Variants in HERPUD2 observed in about 807,000 individuals in gnomAD.
HERPUD2 encodes HERPUD family member 2, also known as homocysteine-responsive endoplasmic reticulum-resident ubiquitin-like domain member 2 protein.
Under a neutral mutation model 49.9 loss-of-function variants are expected in HERPUD2, and 13 were observed. The ratio of observed to expected loss-of-function variants is 0.26; its 90% confidence interval spans 0.17 to 0.41. HERPUD2 has a LOEUF of 0.41. Ranked by LOEUF, HERPUD2 falls within the 10% of genes least tolerant of loss-of-function variation. The pLI is 1.00. For synonymous variants in HERPUD2, 172 were observed against 171.4 expected (o/e 1.00, Z -0.03); for missense variants, 449 against 492.2 (o/e 0.91, Z 0.83).
chr7:35,649,004 C>A, intron 5 of HERPUD2, among the ~76,000 whole-genome samples: 1 of 152,162 alleles, frequency 6.6e-6, no homozygotes, highest in East Asian at 1.9e-4. Context: ...GTAATCCCAG[C>A]ACTTTGGGAG....
At chr7:35,634,568 A>T (rs1003685501) in intron 7 of HERPUD2, 139 bp from the exon 8 acceptor site, 2 of 575,508 alleles carry the variant, frequency 3.5e-6, no homozygotes, top group Non-Finnish European at 6.0e-6. Context: ...CCACTTCAGG[A>T]CAGGGAACTA....
rs377473218 is a variant in HERPUD2, at chr7:35,647,505, G to A, written c.495-9033C>T. ...TAAACATTTACTGAATGAAGTCACA[G>A]GGTCTTCATGCAAATAGATTTGCTC... On this transcript the variant is annotated intron_variant, in intron 5 of 8. Transcript: ENST00000311350. Among the ~76,000 whole-genome samples, 15 of 152,256 alleles carry A rather than the reference G, an allele frequency of 9.9e-5. No homozygotes were observed. In the East Asian group the frequency reaches 2.7e-3, roughly 27 times the overall value.
rs562559120 is a variant in HERPUD2 at position 35,632,842 on chromosome 7, C to T, written c.*848G>A. The stretch of plus-strand genomic sequence containing the variant: ...ACATGCCCTTAATACAGAAAGTTTC[C>T]ATTATTTATTCAAATATCAAAATTA... On this transcript the variant is annotated 3_prime_UTR_variant, in exon 9 of 9. Transcript: ENST00000311350. 6.6e-6 allele frequency: 1 copy of T among 152,530 alleles called. No homozygotes were observed. Among genetic ancestry groups the T allele is most frequent in the South Asian group, 2.1e-4 (1 of 4,816 alleles). The allele number at this position is 152,530 out of a possible 1,614,324, so 9.4% of individuals were successfully genotyped here. A position where few individuals can be genotyped will look rare whatever the true frequency, so the allele number is the denominator to read the frequency against.
At chr7:35,664,046 G>A (rs746887922) in intron 5 of HERPUD2, among the ~76,000 whole-genome samples, 3 of 152,102 alleles carry the variant, frequency 2.0e-5, no homozygotes, top group Non-Finnish European at 4.4e-5. Flanking sequence ...GTTCCTTTCC[G>A]TGTTTTAGTG....
chr7:35,664,485 T>G (rs1583555923), intron 5 of HERPUD2, among the ~76,000 whole-genome samples: 1 of 152,364 alleles, frequency 6.6e-6, no homozygotes. Flanking sequence ...TGAAGAGTGC[T>G]TTCCAACTTG....
At chr7:35,667,359 C>T in intron 5 of HERPUD2, 75 bp downstream of exon 5, 1 of 1,286,804 alleles carries the variant, frequency 7.8e-7, no homozygotes, top group Non-Finnish European at 1.1e-6. Flanking sequence ...TGCAAAGAGG[C>T]TATAGTGAAA....
chr7:35,670,607 G>A (rs549058277), intron 3 of HERPUD2, among the ~76,000 whole-genome samples: 22 of 152,134 alleles, frequency 1.4e-4, no homozygotes, highest in Admixed American at 1.4e-3. Context: ...AAACAATGTT[G>A]TGAAAGTTGT....
rs544487851 is a variant in HERPUD2 at position 35,669,865 on chromosome 7, C to T, written c.339+350G>A. Reference sequence around the variant, plus strand: ...TGAATAAAATATACTATTTTAAATACCTGGCATATTTCTGAAACGTCATTG... The same window carrying T: ...TGAATAAAATATACTATTTTAAATATCTGGCATATTTCTGAAACGTCATTG... On this transcript the variant is annotated intron_variant, in intron 4 of 8. Transcript: ENST00000311350. Among the ~76,000 whole-genome samples the T allele has an allele frequency of 1.8e-4, 28 of 152,092 alleles. No individual in the cohort carries two copies. In the South Asian group the frequency reaches 5.0e-3, roughly 27 times the overall value.
chr7:35,691,196 A>AC (rs1443656785), intron 2 of HERPUD2, among the ~76,000 whole-genome samples: 1 of 152,234 alleles, frequency 6.6e-6, no homozygotes, highest in Non-Finnish European at 1.5e-5. Flanking sequence ...GGGGAGGGGT[A>AC]CATTTGTTCT....
chr7:35,692,708 TAA>T (rs1321258956), intron 2 of HERPUD2, among the ~76,000 whole-genome samples: 1 of 152,200 alleles, frequency 6.6e-6, no homozygotes, highest in East Asian at 1.9e-4. Flanking sequence ...TAATGCCGAT[TAA>T]GAGTTGTTTT....
At chr7:35,634,510 A>G in intron 7 of HERPUD2, 81 bp from the exon 8 acceptor site, 1 of 793,264 alleles carries the variant, frequency 1.3e-6, no homozygotes, top group Non-Finnish European at 2.1e-6. Flanking sequence ...TTAGTGTCCT[A>G]TAAGAGAAAA....
rs768340617 is a variant in HERPUD2 at position 35,634,345 on chromosome 7, C to G, written c.1026G>C (p.Gly342=). The change falls in exon 8 of 9, where the codon GGG becomes GGC. Residue 342 remains glycine (G), a synonymous_variant. Coordinates refer to ENST00000311350, the MANE Select transcript of HERPUD2 (RefSeq NM_022373.5). ...CAAGTTCCAAGTTGTTTGCATTTTG[C>G]CCATCATTGTTAACTTCGGCATTAT... ...PNNNAEVNND[G]QNANNLELEE... 6.2e-7 allele frequency: 1 copy of G among 1,613,184 alleles called. No homozygotes were observed. Among genetic ancestry groups the G allele is most frequent in the Non-Finnish European group, 8.5e-7 (1 of 1,179,204 alleles).
intron 4 of HERPUD2, among the ~76,000 whole-genome samples, chr7:35,670,014 T>C (rs10085633): frequency 9.5e-4 from 145 of 151,952 alleles, no homozygotes; most frequent in African/African-American, 3.4e-3. Flanking sequence ...TCAAGGTGAA[T>C]AGACTTCAAG....
Position 35,634,428 on chromosome 7 carries a change from G to A in HERPUD2, c.943C>T (p.His315Tyr), listed in dbSNP as rs1156851038. 1.3e-6 allele frequency: 2 copies of A among 1,582,880 alleles called. No homozygotes were observed. Among genetic ancestry groups the A allele is most frequent in the Admixed American group, 1.7e-5 (1 of 59,752 alleles). ...CTAAAAGGAAACCATCCAGCTTGGTGTCTGTTCAGTAAAATAAAGAGAAAA... is the reference window on the plus strand; with the variant it reads ...CTAAAAGGAAACCATCCAGCTTGGTATCTGTTCAGTAAAATAAAGAGAAAA... ...VMGAMLLVYL[H>Y]QAGWFPFRQE... The change falls in exon 8 of 9, where the codon CAC (histidine) becomes TAC (tyrosine). Residue 315 changes from histidine (H) to tyrosine (Y), a missense_variant and splice_region_variant. His to Tyr is a moderately conservative substitution (Grantham distance 83, BLOSUM62 2). Transcript: ENST00000311350.
rs111867949 is a variant in HERPUD2 at position 35,633,589 on chromosome 7, T to G, written c.*101A>C. On this transcript the variant is annotated 3_prime_UTR_variant, in exon 9 of 9. Coordinates refer to ENST00000311350, the MANE Select transcript of HERPUD2 (RefSeq NM_022373.5). ...TAAAGAAAAAAAACACCTCTGTACA[T>G]GATGATCAAAAGAAAGTTATAAATT... 1 of 1,057,974 alleles carries G rather than the reference T, an allele frequency of 9.5e-7. No homozygotes were observed. The highest frequency in any genetic ancestry group is 1.6e-5 in the African/African-American group (1 of 62,512). The allele number at this position is 1,057,974 out of a possible 1,614,324, so 65.5% of individuals were successfully genotyped here.
intron 5 of HERPUD2, among the ~76,000 whole-genome samples, chr7:35,652,585 GAAAAAGAAAAGA>G (rs1488115681): frequency 7.6e-6 from 1 of 131,670 alleles, no homozygotes; most frequent in Non-Finnish European, 1.6e-5. Context: ...GAAAGAAAGA[GAAAAAGAAAAGA>G]AAAAAGGAAA....
chr7:35,680,523 A>T (rs935650858), intron 2 of HERPUD2, among the ~76,000 whole-genome samples: 2 of 152,198 alleles, frequency 1.3e-5, no homozygotes, highest in African/African-American at 4.8e-5. Flanking sequence ...TTCCATGGCC[A>T]GATCTGGCTT....
At chr7:35,663,175 C>A (rs535184345) in intron 5 of HERPUD2, among the ~76,000 whole-genome samples, 1 of 152,150 alleles carries the variant, frequency 6.6e-6, no homozygotes, top group African/African-American at 2.4e-5. Context: ...TGTAGTTGAG[C>A]GGTTTTGACT....
At chr7:35,639,286 G>C (rs981116855) in intron 5 of HERPUD2, among the ~76,000 whole-genome samples, 5 of 151,968 alleles carry the variant, frequency 3.3e-5, no homozygotes, top group Non-Finnish European at 7.4e-5. Flanking sequence ...CGCCCGCCTT[G>C]GACTCCCAGA....
Sources: allele counts gnomAD v4.1 joint callset (sites outside exome capture counted in the v4.1 genomes callset), GRCh38; gene constraint gnomAD v4.1.1; transcripts MANE v1.5; gene names NCBI Gene and HGNC (gene_info 2026-07-23, HGNC 2026-07-21).